DHX36: variants seen among roughly 807,000 people sequenced by gnomAD.
DHX36 encodes the protein ATP-dependent DNA/RNA helicase DHX36.
In DHX36, 50 loss-of-function variants were observed where a neutral mutation model predicts 139.0. The ratio of observed to expected loss-of-function variants is 0.36; its 90% CI spans 0.29 to 0.46. The LOEUF (loss-of-function observed/expected upper bound fraction) is 0.46. DHX36 is among the 20% of genes least tolerant of loss of function. DHX36 has a pLI of 1.00. For missense variants in DHX36, 1,024 were observed against 1,211.3 expected (o/e 0.85, Z 2.29); for synonymous variants, 425 against 401.9 (o/e 1.06, Z -0.69).
Position 154,315,960 on chromosome 3 carries a change from C to T in DHX36, c.368+79G>A, listed in dbSNP as rs558746185. The T allele has an allele frequency of 2.7e-4, 401 of 1,458,972 alleles. 3 individuals carry two copies. In the Middle Eastern group the frequency reaches 7.4e-3, roughly 27 times the overall value. The allele number at this position is 1,458,972 out of a possible 1,614,324, so 90.4% of individuals were successfully genotyped here. On this transcript the variant is annotated intron_variant, in intron 2 of 24. Coordinates refer to ENST00000496811, the MANE Select transcript of DHX36 (RefSeq NM_020865.3). The stretch of plus-strand genomic sequence containing the variant: ...TACGTAAAGGTTAAAATTCACTTAT[C>T]GAAGAAAATAAAGATGTTATTTTTA...
intron 12 of DHX36, among the ~76,000 whole-genome samples, chr3:154,296,290 C>T (rs528507193): frequency 4.6e-5 from 7 of 151,966 alleles, no homozygotes; most frequent in African/African-American, 7.2e-5. Flanking sequence ...CTGGCTAACA[C>T]GGTGAAACCC....
intron 24 of DHX36, 119 bp from the exon 25 acceptor site, chr3:154,276,475 A>G: frequency 1.0e-6 from 1 of 976,004 alleles, no homozygotes. Flanking sequence ...AAAAGCTAAA[A>G]CATTTAGTGA....
chr3:154,293,576 T>C (rs1711910298), intron 14 of DHX36, among the ~76,000 whole-genome samples, 172 bp downstream of exon 14: 1 of 152,124 alleles, frequency 6.6e-6, no homozygotes, highest in Non-Finnish European at 1.5e-5. Flanking sequence ...AATGAGACCT[T>C]GTCTCAAAAA....
At chr3:154,322,717 C>T (rs1175808865) in intron 1 of DHX36, among the ~76,000 whole-genome samples, 1 of 152,202 alleles carries the variant, frequency 6.6e-6, no homozygotes, top group East Asian at 1.9e-4. Flanking sequence ...ACTTATTTAA[C>T]TTTTCATCTG....
At chr3:154,311,223 G>A (rs1018045366) in intron 4 of DHX36, among the ~76,000 whole-genome samples, 2 of 151,686 alleles carry the variant, frequency 1.3e-5, no homozygotes, top group Admixed American at 6.6e-5. Context: ...TTCTACATAG[G>A]GTAATCATAT....
chr3:154,306,911 T>A (rs1712522367), intron 5 of DHX36, among the ~76,000 whole-genome samples: 1 of 152,098 alleles, frequency 6.6e-6, no homozygotes, highest in Non-Finnish European at 1.5e-5. Flanking sequence ...ATATCTAGTA[T>A]ACACTGACAG....
At chr3:154,282,732 A>G (rs900716701) in intron 20 of DHX36, among the ~76,000 whole-genome samples, 2 of 152,178 alleles carry the variant, frequency 1.3e-5, no homozygotes, top group African/African-American at 4.8e-5. Flanking sequence ...TTCTATTCTC[A>G]CTGGCTTCGA....
chr3:154,291,295 T>C (rs1305643746), intron 15 of DHX36, among the ~76,000 whole-genome samples: 1 of 152,226 alleles, frequency 6.6e-6, no homozygotes, highest in Non-Finnish European at 1.5e-5. Context: ...AATTCCACAG[T>C]TAACCTACCG....
intron 6 of DHX36, among the ~76,000 whole-genome samples, chr3:154,305,929 C>A (rs1447441682): frequency 2.6e-5 from 4 of 152,080 alleles, no homozygotes; most frequent in Non-Finnish European, 5.9e-5. Flanking sequence ...AAGGTCTACA[C>A]AATCTTTTCA....
intron 3 of DHX36, chr3:154,314,662 T>C (rs1712894130): frequency 6.4e-6 from 1 of 157,294 alleles, no homozygotes; most frequent in Non-Finnish European, 1.4e-5. Context: ...TTTTGAAATA[T>C]TTAATTTTAT....
rs16823841 is a variant in DHX36 at position 154,280,233 on chromosome 3, A to G, written c.2567+346T>C. Reference sequence around the variant, plus strand: ...ATTCAAAGAGCTAAGTTATCCATTTATAAGGCAAGAGGAAAAAAGTTTCTG... The same window carrying G: ...ATTCAAAGAGCTAAGTTATCCATTTGTAAGGCAAGAGGAAAAAAGTTTCTG... On this transcript the variant is annotated intron_variant, in intron 22 of 24. Transcript: ENST00000496811. 2.5e-3 allele frequency: 483 copies of G among 189,702 alleles called. 3 individuals carry two copies. The highest frequency in any genetic ancestry group is 0.011 in the African/African-American group (458 of 42,734). 11.8% of individuals were successfully genotyped at this position (189,702 alleles called of 1,614,324 possible).
chr3:154,324,427 G>T lies in DHX36; in HGVS notation c.-11C>A. ...GTAGTCATAACTCATTGTCCTGGCA[G>T]ACTACAACCCGTCAGAACCAGCAAC... On this transcript the variant is annotated 5_prime_UTR_variant, in exon 1 of 25. In the 5' UTR this introduces an upstream ATG that the reference lacks. Transcript: ENST00000496811. The T allele has an allele frequency of 6.7e-7, 1 of 1,489,074 alleles. No homozygotes were observed. 92.2% of individuals were successfully genotyped at this position (1,489,074 alleles called of 1,614,324 possible). A position where few individuals can be genotyped will look rare whatever the true frequency, so the allele number is the denominator to read the frequency against.
At chr3:154,283,558 T>G (rs1210815125) in intron 19 of DHX36, among the ~76,000 whole-genome samples, 1 of 152,090 alleles carries the variant, frequency 6.6e-6, no homozygotes, top group Non-Finnish European at 1.5e-5. Flanking sequence ...CTGTACATAA[T>G]ACACTAATCA....
intron 17 of DHX36, among the ~76,000 whole-genome samples, chr3:154,288,404 T>A (rs1002723426): frequency 6.6e-6 from 1 of 151,936 alleles, no homozygotes; most frequent in African/African-American, 2.4e-5. Context: ...TGATAGAGGT[T>A]ATCTATCATG....
chr3:154,276,933 A>G (rs780306001), intron 23 of DHX36, 34 bp from the exon 24 acceptor site: 1 of 1,571,570 alleles, frequency 6.4e-7, no homozygotes, highest in Non-Finnish European at 8.6e-7. Flanking sequence ...TAATACATTC[A>G]GGAGTCTGAA....
chr3:154,320,142 C>A (rs541313681), intron 1 of DHX36, among the ~76,000 whole-genome samples: 3 of 152,172 alleles, frequency 2.0e-5, no homozygotes, highest in African/African-American at 7.2e-5. Flanking sequence ...CTTGTTGATA[C>A]GCTCTTCTCT....
chr3:154,293,134 A>G (rs1711888175), intron 14 of DHX36, among the ~76,000 whole-genome samples: 1 of 152,320 alleles, frequency 6.6e-6, no homozygotes. Flanking sequence ...AAGGCTGGAT[A>G]TAACTAATTA....
Position 154,312,875 on chromosome 3 carries a change from AT to A in DHX36, c.604-1202del, listed in dbSNP as rs1324893599. 3.1e-4 allele frequency among the ~76,000 whole-genome samples: 34 copies of A among 110,616 alleles called. 2 individuals are homozygous for A. The highest frequency in any genetic ancestry group is 6.9e-4 in the East Asian group (2 of 2,910). 72.6% of individuals were successfully genotyped at this position (110,616 alleles called of 152,430 possible). On this transcript the variant is annotated intron_variant, in intron 3 of 24. Transcript: ENST00000496811. ...AAAATATATATATATATATATATAT[AT>A]ATATATATATATATATATATATATA...
In DHX36 at chr3:154,283,253, G is replaced by A. The variant is rs753647774; in HGVS notation, c.2311C>T (p.Arg771Ter). 3.7e-6 allele frequency: 6 copies of A among 1,613,332 alleles called. No individual in the cohort carries two copies. Among genetic ancestry groups the A allele is most frequent in the Admixed American group, 1.7e-5 (1 of 60,002 alleles). ...TCCTTTTCGTATCTGAAACCACGTC[G>A]CCTAGCCTCTTCCCAGCCCTATGGG... is the stretch of plus-strand genomic sequence containing the variant. ...NAFEGWEEARRRGFRYEKDYC... is the reference protein window; with the variant it reads ...NAFEGWEEAR Residue 771 changes from arginine (R) to a stop codon, truncating the protein, a stop_gained, in exon 20 of 25, where the codon CGA (arginine) becomes TGA (stop). Coordinates refer to ENST00000496811, the MANE Select transcript of DHX36 (RefSeq NM_020865.3). LOFTEE classifies it high-confidence loss of function.
Sources: allele counts gnomAD v4.1 joint callset (sites outside exome capture counted in the v4.1 genomes callset), GRCh38; gene constraint gnomAD v4.1.1; transcripts MANE v1.5; gene names NCBI Gene and HGNC (gene_info 2026-07-23, HGNC 2026-07-21).